LIFR: variants seen among roughly 807,000 people sequenced by gnomAD.
The protein encoded by LIFR is leukemia inhibitory factor receptor.
A neutral mutation model predicts 122.2 loss-of-function variants in LIFR; 84 were observed. That is an observed-to-expected ratio of 0.69 (90% CI 0.58 to 0.82). The LOEUF is 0.82. Among genes scored for constraint, LIFR ranks in the 40% least tolerant of loss-of-function variants. The pLI is 0.00. For missense variants in LIFR, 1,294 were observed against 1,311.6 expected, an observed-to-expected ratio of 0.99 and a Z score of 0.21; for synonymous variants, 422 against 434.7, an observed-to-expected ratio of 0.97 and a Z score of 0.36.
intron 8 of LIFR, 132 bp downstream of exon 8, chr5:38,506,371 T>A: frequency 9.4e-7 from 1 of 1,065,482 alleles, no homozygotes; most frequent in Admixed American, 1.8e-5. Flanking sequence ...CTTATAAGTG[T>A]AATTTTATAC....
rs1265303209 is a variant in LIFR at position 38,511,966 on chromosome 5, T to G, written c.562-2A>C. 2 of 1,613,864 alleles carry G rather than the reference T, an allele frequency of 1.2e-6. No homozygotes were observed. Among genetic ancestry groups the G allele is most frequent in the Non-Finnish European group, 1.7e-6 (2 of 1,179,870 alleles). On this transcript the variant is annotated splice_acceptor_variant, in intron 5 of 19. Coordinates refer to ENST00000453190, the MANE Select transcript of LIFR (RefSeq NM_001127671.2). LOFTEE classifies it high-confidence loss of function. The stretch of plus-strand genomic sequence containing the variant: ...ATTCAGAGTTGTGTTGTGGGTCACC[T>G]AAAAATGAACACAAACACAAAACTG...
intron 1 of LIFR, among the ~76,000 whole-genome samples, chr5:38,574,835 C>T (rs1268892343): frequency 6.6e-6 from 1 of 152,168 alleles, no homozygotes; most frequent in Non-Finnish European, 1.5e-5. Flanking sequence ...CCTATCCAAA[C>T]CTTCCCTGTA....
In LIFR at chr5:38,475,031, GT is replaced by G. The variant is rs1561118068; in HGVS notation, c.*6563del. The G allele has an allele frequency of 1.2e-5, 2 of 173,838 alleles. No individual in the cohort carries two copies. The highest frequency in any genetic ancestry group is 2.0e-4 in the East Asian group (2 of 9,846). The allele number at this position is 173,838 out of a possible 1,614,324, so 10.8% of individuals were successfully genotyped here. A position where few individuals can be genotyped will look rare whatever the true frequency, so the allele number is the denominator to read the frequency against. On this transcript the variant is annotated 3_prime_UTR_variant, in exon 20 of 20. Coordinates refer to ENST00000453190, the MANE Select transcript of LIFR (RefSeq NM_001127671.2). ...TGATAAAATTGTTAAATACATGCAT[GT>G]TTTAAAAACAGACATAAGTAACATC...
rs35505046 is a variant in LIFR at position 38,589,718 on chromosome 5, ATGTGTG to A, written c.-20+5537_-20+5542del. 6.6e-3 allele frequency among the ~76,000 whole-genome samples: 962 copies of A among 146,288 alleles called. 5 individuals are homozygous for A. Among genetic ancestry groups the A allele is most frequent in the African/African-American group, 0.021 (849 of 39,942 alleles). On this transcript the variant is annotated intron_variant, in intron 1 of 19. Coordinates refer to the LIFR transcript ENST00000263409. ...AAAGGGTCAGAAGGCAGAGAAGAAA[ATGTGTG>A]TGTGTGTGTGTGTGTGTGTGTGTGT...
chr5:38,603,340 G>A (rs151313334), intron 2 of LIFR, among the ~76,000 whole-genome samples: 141 of 152,248 alleles, frequency 9.3e-4, no homozygotes, highest in African/African-American at 3.1e-3. Flanking sequence ...CGGATTTGCC[G>A]CTGGTAACTG....
chr5:38,560,729 G>T (rs769229870), upstream of LIFR, among the ~76,000 whole-genome samples: 1 of 151,830 alleles, frequency 6.6e-6, no homozygotes, highest in Non-Finnish European at 1.5e-5. Context: ...CTGAGTAGCT[G>T]GGATTACAGG....
At chr5:38,599,105 G>C (rs1750177622), upstream of LIFR, among the ~76,000 whole-genome samples, 1 of 152,154 alleles carries the variant, frequency 6.6e-6, no homozygotes, top group Non-Finnish European at 1.5e-5. Context: ...CCCAGGAGCT[G>C]TTACCAGTAG....
intron 5 of LIFR, among the ~76,000 whole-genome samples, chr5:38,519,219 T>C (rs779451042): frequency 2.6e-5 from 4 of 152,190 alleles, no homozygotes; most frequent in Admixed American, 6.5e-5. Flanking sequence ...CAGTGGTGAA[T>C]AGTCATGTCC....
At chr5:38,577,630 C>T (rs565185493) in intron 1 of LIFR, among the ~76,000 whole-genome samples, 42 of 152,308 alleles carry the variant, frequency 2.8e-4, no homozygotes, top group South Asian at 6.2e-4. Context: ...GAACTTCATC[C>T]TCTCAAAAAC....
intron 2 of LIFR, among the ~76,000 whole-genome samples, chr5:38,602,081 A>G (rs1167926207): frequency 6.6e-6 from 1 of 152,028 alleles, no homozygotes; most frequent in Non-Finnish European, 1.5e-5. Context: ...GCGGCTCTTT[A>G]TCATTTTTCA....
Position 38,503,973 on chromosome 5 carries a change from T to G in LIFR, c.1437+3A>C, listed in dbSNP as rs1561151324. 1 of 1,555,616 alleles carries G rather than the reference T, an allele frequency of 6.4e-7. No individual in the cohort carries two copies. On this transcript the variant is annotated splice_donor_region_variant and intron_variant, in intron 10 of 19. Transcript: ENST00000453190. The stretch of plus-strand genomic sequence containing the variant: ...ACAAAGGAAGTCTTTAAGAGAATCT[T>G]ACCTGCTCTTGTACTGAATTAGATT...
intron 19 of LIFR, 118 bp downstream of exon 19, chr5:38,482,471 A>G: frequency 1.5e-6 from 1 of 677,232 alleles, no homozygotes; most frequent in South Asian, 2.1e-5. Context: ...GTTTTAAAGT[A>G]TATAATTTTC....
At chr5:38,594,880 T>TTCATCTTGGTGAGCTTG (rs1750048480) in intron 1 of LIFR, 1 of 202,000 alleles carries the variant, frequency 5.0e-6, no homozygotes, top group Non-Finnish European at 1.0e-5. Flanking sequence ...TGGTGAGCAG[T>TTCATCTTGGTGAGCTTG]GTGCAAGCTG....
chr5:38,507,886 T>C (rs1028702893), intron 7 of LIFR, among the ~76,000 whole-genome samples: 8 of 152,124 alleles, frequency 5.3e-5, no homozygotes, highest in African/African-American at 1.7e-4. Context: ...TCAGGTAACA[T>C]TAAGAGGATT....
intron 16 of LIFR, among the ~76,000 whole-genome samples, chr5:38,487,996 G>A (rs1008476853): frequency 6.6e-6 from 1 of 152,118 alleles, no homozygotes; most frequent in African/African-American, 2.4e-5. Flanking sequence ...GTGTTGTTTT[G>A]CCTCTTCTGT....
intron 1 of LIFR, among the ~76,000 whole-genome samples, chr5:38,582,073 T>C (rs1580227264): frequency 6.6e-6 from 1 of 151,804 alleles, no homozygotes; most frequent in East Asian, 1.9e-4. Flanking sequence ...TTTTTTTTCT[T>C]TTTTTAGAGA....
At chr5:38,565,830 C>T (rs1749005367) in intron 1 of LIFR, among the ~76,000 whole-genome samples, 1 of 152,128 alleles carries the variant, frequency 6.6e-6, no homozygotes, top group Non-Finnish European at 1.5e-5. Flanking sequence ...TGATCCCCCA[C>T]ACCTCGGCAT....
At chr5:38,500,673 T>C (rs973901540) in intron 11 of LIFR, among the ~76,000 whole-genome samples, 12 of 152,196 alleles carry the variant, frequency 7.9e-5, no homozygotes, top group African/African-American at 2.4e-4. Flanking sequence ...GTTGAGTAAA[T>C]TGATGCCTTC....
At position 38,477,253 on chromosome 5, in the gene LIFR, C is replaced by A. The variant is rs1743768038; in HGVS notation, c.*4342G>T. 4.5e-6 allele frequency: 1 copy of A among 219,870 alleles called. No homozygotes were observed. The highest frequency in any genetic ancestry group is 2.2e-5 in the African/African-American group (1 of 44,654). 13.6% of individuals were successfully genotyped at this position (219,870 alleles called of 1,614,324 possible). ...CATAATCCATAAAGATAAAAACGAACCAAATTCAAGCCAAGTAATTTCCAA... is the reference window on the plus strand; with the variant it reads ...CATAATCCATAAAGATAAAAACGAAACAAATTCAAGCCAAGTAATTTCCAA... On this transcript the variant is annotated 3_prime_UTR_variant, in exon 20 of 20. Transcript: ENST00000453190.
Sources: gnomAD v4.1 joint callset for allele counts (sites outside exome capture counted in the v4.1 genomes callset) on GRCh38, gnomAD v4.1.1 for gene constraint, MANE v1.5 for transcripts, NCBI Gene and HGNC (gene_info 2026-07-23, HGNC 2026-07-21) for gene names.